HIF1A: variants seen among roughly 807,000 people sequenced by gnomAD.
HIF1A encodes the protein hypoxia inducible factor 1 subunit alpha.
HIF1A carries 24 observed loss-of-function variants against 92.7 expected under a neutral mutation model. The ratio of observed to expected loss-of-function variants is 0.26; its 90% CI spans 0.19 to 0.36. HIF1A has a LOEUF of 0.36. Among genes scored for constraint, HIF1A ranks in the 10% least tolerant of loss-of-function variants. The pLI is 1.00. For synonymous variants in HIF1A, 319 were observed against 338.7 expected, an observed-to-expected ratio of 0.94 and a Z score of 0.64; for missense variants, 799 against 998.5, an observed-to-expected ratio of 0.80 and a Z score of 2.69.
chr14:61,747,894 G>T lies in HIF1A; in HGVS notation c.*809G>T, dbSNP rs2044814212. On this transcript the variant is annotated 3_prime_UTR_variant, in exon 15 of 15. Transcript: ENST00000337138. The stretch of plus-strand genomic sequence containing the variant: ...AGTTGTGGAAGTTTATGCTAATATT[G>T]TGTAACTGATATTAAACCTAAATGT... The T allele has an allele frequency of 1.3e-5, 2 of 152,230 alleles. No individual in the cohort carries two copies. The highest frequency in any genetic ancestry group is 6.6e-5 in the Admixed American group (1 of 15,244). The allele number at this position is 152,230 out of a possible 1,614,324, so 9.4% of individuals were successfully genotyped here. A position where few individuals can be genotyped will look rare whatever the true frequency, so the allele number is the denominator to read the frequency against.
intron 1 of HIF1A, among the ~76,000 whole-genome samples, chr14:61,700,126 T>A (rs2044162191): frequency 6.6e-6 from 1 of 152,190 alleles, no homozygotes; most frequent in Admixed American, 6.5e-5. Flanking sequence ...CATGGCTTTT[T>A]TCTTATAGCT....
intron 13 of HIF1A, among the ~76,000 whole-genome samples, 168 bp downstream of exon 13, chr14:61,744,981 T>C (rs1381917724): frequency 2.0e-5 from 3 of 152,116 alleles, no homozygotes; most frequent in Non-Finnish European, 4.4e-5. Flanking sequence ...TTTTTAAAAA[T>C]ACAAATGTTT....
chr14:61,695,596 A>T lies in HIF1A; in HGVS notation c.-209A>T, dbSNP rs993353177. 105 of 599,720 alleles carry T rather than the reference A, an allele frequency of 1.8e-4. No homozygotes were observed. Among genetic ancestry groups the T allele is most frequent in the East Asian group, 2.3e-4 (8 of 34,690 alleles). The allele number at this position is 599,720 out of a possible 1,614,324, so 37.1% of individuals were successfully genotyped here. On this transcript the variant is annotated 5_prime_UTR_variant, in exon 1 of 15. Coordinates refer to ENST00000337138, the MANE Select transcript of HIF1A (RefSeq NM_001530.4). ...CCAGTGTGTCGGGCTGGGCCCTGAC[A>T]AGCCACCTGAGGAGAGGCTCGGAGC...
chr14:61,715,771 A>AG (rs2044356737), intron 1 of HIF1A: 1 of 152,372 alleles, frequency 6.6e-6, no homozygotes, highest in Non-Finnish European at 1.5e-5. Context: ...AGGCCAAGGC[A>AG]GAAGGATCGC....
Position 61,746,938 on chromosome 14 carries a change from A to T in HIF1A, c.2334A>T (p.Leu778Phe), listed in dbSNP as rs1430666632. Reference protein sequence around the residue: ...QKTIILIPSDLACRLLGQSMD... With the variant: ...QKTIILIPSDFACRLLGQSMD... ...GGTATCTCTTTTGTTTTTCAGATTT[A>T]GCATGTAGACTGCTGGGGCAATCAA... The change falls in exon 15 of 15, where the codon TTA (leucine) becomes TTT (phenylalanine). Residue 778 changes from leucine (L) to phenylalanine (F), a missense_variant. Leu to Phe is a conservative substitution (Grantham distance 22, BLOSUM62 0). Transcript: ENST00000337138. 1.3e-6 allele frequency: 2 copies of T among 1,599,242 alleles called. No individual in the cohort carries two copies. Among genetic ancestry groups the T allele is most frequent in the African/African-American group, 2.7e-5 (2 of 73,952 alleles).
chr14:61,739,773 G>C (rs1266170534), intron 10 of HIF1A, among the ~76,000 whole-genome samples: 1 of 152,078 alleles, frequency 6.6e-6, no homozygotes, highest in Non-Finnish European at 1.5e-5. Flanking sequence ...AAATAACTTA[G>C]GTTTCTACTC....
chr14:61,704,850 C>G (rs1473492844), intron 1 of HIF1A, among the ~76,000 whole-genome samples: 1 of 152,090 alleles, frequency 6.6e-6, no homozygotes, highest in African/African-American at 2.4e-5. Context: ...TGGCTTAGGC[C>G]ACAGTTGAAC....
intron 1 of HIF1A, among the ~76,000 whole-genome samples, chr14:61,705,912 T>C (rs142698672): frequency 2.0e-5 from 3 of 152,154 alleles, no homozygotes; most frequent in Non-Finnish European, 4.4e-5. Context: ...ATAGAAGAAG[T>C]CTTTAGGGTA....
intron 10 of HIF1A, chr14:61,740,129 T>C (rs1555585): frequency 0.89 from 128,380 of 144,988 alleles, 57,665 homozygotes; most frequent in Non-Finnish European, 0.96. Context: ...TGCAGTGGCA[T>C]GATCTTGGCT....
chr14:61,741,420 G>C (rs920365933), intron 12 of HIF1A, among the ~76,000 whole-genome samples: 7 of 149,642 alleles, frequency 4.7e-5, no homozygotes, highest in African/African-American at 1.5e-4. Flanking sequence ...GAGTGCAATG[G>C]CATGGCACCA....
At chr14:61,732,141 C>CA (rs562591738) in intron 6 of HIF1A, among the ~76,000 whole-genome samples, 36 of 149,404 alleles carry the variant, frequency 2.4e-4, no homozygotes, top group Admixed American at 6.6e-4. Context: ...ACTCTTGTCT[C>CA]AAAAAAAAAG....
At chr14:61,729,486 A>AAAAAC (rs1566571569) in intron 6 of HIF1A, among the ~76,000 whole-genome samples, 3 of 147,834 alleles carry the variant, frequency 2.0e-5, no homozygotes, top group Non-Finnish European at 3.0e-5. Context: ...AAACAAAAAA[A>AAAAAC]AGACCTCAGA....
At chr14:61,702,712 A>G (rs1448942996) in intron 1 of HIF1A, among the ~76,000 whole-genome samples, 2 of 152,190 alleles carry the variant, frequency 1.3e-5, no homozygotes, top group African/African-American at 4.8e-5. Context: ...AAACTATTTT[A>G]ATGTTAATGA....
chr14:61,695,883 C>G, intron 1 of HIF1A, 44 bp downstream of exon 1: 1 of 1,542,084 alleles, frequency 6.5e-7, no homozygotes, highest in Non-Finnish European at 8.8e-7. Context: ...CCCGGCGACC[C>G]CGCCCGCCTG....
intron 4 of HIF1A, chr14:61,726,318 G>C (rs2044503388): frequency 6.5e-6 from 1 of 154,144 alleles, no homozygotes; most frequent in Non-Finnish European, 1.4e-5. Flanking sequence ...ATTAGAAATT[G>C]AGCTAACACA....
At position 61,740,919 on chromosome 14, in the gene HIF1A, A is replaced by G. The variant is rs1353920944; in HGVS notation, c.1824A>G (p.Gln608=). The change falls in exon 12 of 15, where the codon CAA becomes CAG. Residue 608 remains glutamine, a synonymous_variant. Coordinates refer to ENST00000337138, the MANE Select transcript of HIF1A (RefSeq NM_001530.4). Reference sequence around the variant, plus strand: ...CAGTATTCCAGCAGACTCAAATACAAGAACCTACTGCTAATGCCACCACTA... The same window carrying G: ...CAGTATTCCAGCAGACTCAAATACAGGAACCTACTGCTAATGCCACCACTA... ...TVTVFQQTQI[Q]EPTANATTTT... is the part of the protein sequence containing the mutation. 2 of 1,614,230 alleles carry G rather than the reference A, an allele frequency of 1.2e-6. No homozygotes were observed. The highest frequency in any genetic ancestry group is 1.1e-5 in the South Asian group (1 of 91,092).
Position 61,746,923 on chromosome 14 carries a change from T to C in HIF1A, c.2330-11T>C. The C allele has an allele frequency of 6.3e-7, 1 of 1,592,850 alleles. No individual in the cohort carries two copies. The highest frequency in any genetic ancestry group is 1.4e-5 in the African/African-American group (1 of 73,998). On this transcript the variant is annotated splice_polypyrimidine_tract_variant and intron_variant, in intron 14 of 14. Transcript: ENST00000337138. ...ATGAATGTATACTTAGGTATCTCTT[T>C]TGTTTTTCAGATTTAGCATGTAGAC...
chr14:61,716,833 G>A (rs908582036), intron 1 of HIF1A: 1 of 152,040 alleles, frequency 6.6e-6, no homozygotes. Context: ...ATAATAAAAT[G>A]GTAAGCATGT....
intron 1 of HIF1A, among the ~76,000 whole-genome samples, chr14:61,702,150 C>T (rs1428138723): frequency 4.7e-5 from 7 of 150,116 alleles, no homozygotes; most frequent in African/African-American, 1.5e-4. Flanking sequence ...ATTGTCGGCC[C>T]GGCACGGTGG....
Sources: allele counts gnomAD v4.1 joint callset (sites outside exome capture counted in the v4.1 genomes callset), GRCh38; gene constraint gnomAD v4.1.1; transcripts MANE v1.5; gene names NCBI Gene and HGNC (gene_info 2026-07-23, HGNC 2026-07-21).